The following ADAM18 variants were observed in gnomAD, a reference collection of about 807,000 sequenced individuals.
The protein encoded by ADAM18 is disintegrin and metalloproteinase domain-containing protein 18.
Under a neutral mutation model 94.4 loss-of-function variants are expected in ADAM18, and 117 were observed. That is an observed-to-expected ratio of 1.24 (90% CI 1.07 to 1.45). The LOEUF (loss-of-function observed/expected upper bound fraction) is 1.45. ADAM18 is among the 40% of genes most tolerant of loss of function. The pLI is 0.00. For synonymous variants in ADAM18, 327 were observed against 291.6 expected (o/e 1.12, Z -1.24); for missense variants, 936 against 880.0 (o/e 1.06, Z -0.81).
intron 13 of ADAM18, 150 bp from the exon 14 acceptor site, chr8:39,667,848 T>A: frequency 1.4e-6 from 1 of 710,648 alleles, no homozygotes; most frequent in Non-Finnish European, 2.3e-6. Flanking sequence ...ATACTGTATT[T>A]GATTTTTTTT....
intron 14 of ADAM18, among the ~76,000 whole-genome samples, chr8:39,668,964 C>T (rs978877240): frequency 9.2e-5 from 14 of 151,948 alleles, no homozygotes; most frequent in Non-Finnish European, 1.5e-4. Flanking sequence ...GAGGCTTAAA[C>T]GAAATTCAAC....
In ADAM18 at chr8:39,610,850, C is replaced by T. The variant is rs892294433; in HGVS notation, c.522+144C>T. 7 of 1,272,152 alleles carry T rather than the reference C, an allele frequency of 5.5e-6. No individual in the cohort carries two copies. In the Admixed American group the frequency reaches 1.9e-4, roughly 35 times the overall value. 78.8% of individuals were successfully genotyped at this position (1,272,152 alleles called of 1,614,324 possible). ...TCTACCTTTAAATAAAACATTGAAACTTCATCTAAAATATTTGGAAAGTTA... is the reference window on the plus strand; with the variant it reads ...TCTACCTTTAAATAAAACATTGAAATTTCATCTAAAATATTTGGAAAGTTA... On this transcript the variant is annotated intron_variant, in intron 6 of 19. Coordinates refer to ENST00000265707, the MANE Select transcript of ADAM18 (RefSeq NM_014237.3).
chr8:39,710,606 A>G (rs1393213593), intron 18 of ADAM18, among the ~76,000 whole-genome samples: 4 of 152,146 alleles, frequency 2.6e-5, no homozygotes, highest in Non-Finnish European at 4.4e-5. Flanking sequence ...GCCTGACCCA[A>G]CTTCGTCAAC....
chr8:39,688,017 CTGTTT>C (rs1204619695), intron 16 of ADAM18, among the ~76,000 whole-genome samples: 1 of 152,118 alleles, frequency 6.6e-6, no homozygotes, highest in African/African-American at 2.4e-5. Flanking sequence ...AATTGTAGCT[CTGTTT>C]TAAGTTCAAG....
chr8:39,648,120 C>T (rs1007426371), intron 11 of ADAM18, among the ~76,000 whole-genome samples: 2 of 152,128 alleles, frequency 1.3e-5, no homozygotes, highest in African/African-American at 4.8e-5. Context: ...AACCACCATA[C>T]CTTATTGCAT....
intron 12 of ADAM18, among the ~76,000 whole-genome samples, chr8:39,657,375 G>A (rs935490630): frequency 2.0e-5 from 3 of 152,126 alleles, no homozygotes; most frequent in Admixed American, 2.0e-4. Flanking sequence ...GCAGTGGCTT[G>A]ATGTCAGCTC....
At chr8:39,656,407 T>C (rs1210115001) in intron 12 of ADAM18, among the ~76,000 whole-genome samples, 1 of 152,048 alleles carries the variant, frequency 6.6e-6, no homozygotes, top group East Asian at 1.9e-4. Context: ...TTACAAAAAA[T>C]GACGCTGGGA....
intron 17 of ADAM18, among the ~76,000 whole-genome samples, chr8:39,700,986 C>A (rs915505911): frequency 3.4e-5 from 5 of 149,248 alleles, no homozygotes; most frequent in Non-Finnish European, 7.5e-5. Context: ...GGCGTAGTGG[C>A]GGGCGCCTGT....
intron 17 of ADAM18, among the ~76,000 whole-genome samples, chr8:39,694,229 A>AT (rs950866636): frequency 2.6e-5 from 4 of 151,232 alleles, no homozygotes; most frequent in Non-Finnish European, 4.5e-5. Context: ...TTTGCAGAAT[A>AT]TTTTTTATTA....
chr8:39,642,119 C>T (rs1264187153), intron 10 of ADAM18, among the ~76,000 whole-genome samples: 1 of 151,860 alleles, frequency 6.6e-6, no homozygotes, highest in East Asian at 1.9e-4. Context: ...TAGTTTTTGT[C>T]TTCTAGTAAA....
At chr8:39,610,947 T>A (rs921208171) in intron 6 of ADAM18, 2 of 1,222,374 alleles carry the variant, frequency 1.6e-6, no homozygotes, top group East Asian at 3.3e-5. Context: ...AACAAAATGA[T>A]ACTATTGAAA....
At chr8:39,598,211 A>G (rs557593090) in intron 2 of ADAM18, among the ~76,000 whole-genome samples, 64 of 151,636 alleles carry the variant, frequency 4.2e-4, no homozygotes, top group Non-Finnish European at 8.5e-4. Flanking sequence ...CTTTTCATCT[A>G]TGAACAAAGA....
rs1434424153 is a variant in ADAM18, at chr8:39,637,545, C to T, written c.669C>T (p.Thr223=). ...ATACATCTTATTTTTAGATGTTTACCCAGTTCAAATTGACTGTTATACTGT... is the reference window on the plus strand; with the variant it reads ...ATACATCTTATTTTTAGATGTTTACTCAGTTCAAATTGACTGTTATACTGT... ...QVIGLVNTMF[T]QFKLTVILSS... is the part of the protein sequence containing the mutation. Residue 223 remains threonine (T), a synonymous_variant, in exon 9 of 20, where the codon ACC becomes ACT. Coordinates refer to ENST00000265707, the MANE Select transcript of ADAM18 (RefSeq NM_014237.3). The T allele has an allele frequency of 2.2e-5, 36 of 1,606,144 alleles. No homozygotes were observed. Among genetic ancestry groups the T allele is most frequent in the Non-Finnish European group, 2.9e-5 (34 of 1,176,314 alleles).
At position 39,637,294 on chromosome 8, in the gene ADAM18, G is replaced by A. The variant is rs1820106316; in HGVS notation, c.619G>A (p.Val207Ile). Residue 207 changes from valine to isoleucine, a missense_variant, in exon 8 of 20, where the codon GTA becomes ATA. Coordinates refer to ENST00000265707, the MANE Select transcript of ADAM18 (RefSeq NM_014237.3). ...TTATATGGGATCTGAAATGATGGCT[G>A]TAACACAAAAAATTGTCCAGGTTAT... ...YDYMGSEMMA[V>I]TQKIVQVIGL... The A allele has an allele frequency of 1.9e-6, 3 of 1,606,294 alleles. No individual in the cohort carries two copies. Among genetic ancestry groups the A allele is most frequent in the Non-Finnish European group, 2.6e-6 (3 of 1,176,240 alleles).
chr8:39,722,628 A>G (rs1586017205), intron 18 of ADAM18, among the ~76,000 whole-genome samples: 1 of 151,676 alleles, frequency 6.6e-6, no homozygotes, highest in East Asian at 1.9e-4. Flanking sequence ...TCACCACTGC[A>G]CAATATATCC....
intron 18 of ADAM18, among the ~76,000 whole-genome samples, chr8:39,720,435 G>A (rs902285026): frequency 4.0e-5 from 6 of 151,288 alleles, no homozygotes; most frequent in African/African-American, 1.5e-4. Context: ...TGCACTTAAA[G>A]TGTGGGCATT....
intron 14 of ADAM18, among the ~76,000 whole-genome samples, chr8:39,673,660 G>C (rs1390393785): frequency 6.6e-6 from 1 of 152,048 alleles, no homozygotes; most frequent in Non-Finnish European, 1.5e-5. Flanking sequence ...CTTGCCTTTT[G>C]CTAGCTTTTG....
At chr8:39,636,894 T>C (rs1820087520) in intron 7 of ADAM18, among the ~76,000 whole-genome samples, 1 of 151,528 alleles carries the variant, frequency 6.6e-6, no homozygotes, top group Non-Finnish European at 1.5e-5. Context: ...TGAGATCATG[T>C]AGTATTTTCT....
At chr8:39,610,756 A>T in intron 6 of ADAM18, 50 bp downstream of exon 6, 1 of 1,540,224 alleles carries the variant, frequency 6.5e-7, no homozygotes, top group Non-Finnish European at 8.7e-7. Context: ...TTGCCTGTGT[A>T]GTTTTCTTGT....
Sources: gnomAD v4.1 joint callset for allele counts (sites outside exome capture counted in the v4.1 genomes callset) on GRCh38, gnomAD v4.1.1 for gene constraint, MANE v1.5 for transcripts, NCBI Gene and HGNC (gene_info 2026-07-23, HGNC 2026-07-21) for gene names.